The following FNTB variants were observed in gnomAD, a reference collection of about 807,000 sequenced individuals.
The protein encoded by FNTB is farnesyltransferase, CAAX box, subunit beta.
FNTB carries 27 observed loss-of-function variants against 59.4 expected under a neutral mutation model. That is an observed-to-expected ratio of 0.45 (90% CI 0.34 to 0.63). FNTB has a LOEUF of 0.63. Ranked by LOEUF, FNTB falls within the 20% of genes least tolerant of loss-of-function variation. FNTB has a pLI of 0.02. For synonymous variants in FNTB, 230 were observed against 220.7 expected, an observed-to-expected ratio of 1.04 and a Z score of -0.37; for missense variants, 449 against 559.6, an observed-to-expected ratio of 0.80 and a Z score of 1.99.
chr14:65,031,504 G>A lies in FNTB; in HGVS notation c.606-1106G>A, dbSNP rs1191619661. 6.6e-6 allele frequency among the ~76,000 whole-genome samples: 1 copy of A among 151,886 alleles called. No homozygotes were observed. Among genetic ancestry groups the A allele is most frequent in the African/African-American group, 2.4e-5 (1 of 41,388 alleles). ...AGCTAATTTTTGTGTTTTTAGTGGA[G>A]ACGGGGTTTCGCAATATTGGTCAGG... is the stretch of plus-strand genomic sequence containing the variant. On this transcript the variant is annotated intron_variant, in intron 6 of 11. Transcript: ENST00000246166. The surrounding 1 kb of genome is among the most constrained non-coding windows in gnomAD (Gnocchi z 4.6).
rs1200787534 is a variant in FNTB at position 65,040,829 on chromosome 14, G to A, written c.732G>A (p.Gly244=). The stretch of plus-strand genomic sequence containing the variant: ...AAGGTGGCATTGGCGGGGTACCAGG[G>A]ATGGAAGCCCATGGTGGCTATACCT... ...NWEGGIGGVP[G]MEAHGGYTFC... Residue 244 remains glycine (G), a synonymous_variant, in exon 8 of 12, where the codon GGG becomes GGA. Coordinates refer to ENST00000246166, the MANE Select transcript of FNTB (RefSeq NM_002028.4). The A allele has an allele frequency of 6.2e-7, 1 of 1,613,826 alleles. No individual in the cohort carries two copies. The highest frequency in any genetic ancestry group is 8.5e-7 in the Non-Finnish European group (1 of 1,179,968).
chr14:65,022,766 A>C (rs2061912593), intron 4 of FNTB, among the ~76,000 whole-genome samples: 1 of 152,072 alleles, frequency 6.6e-6, no homozygotes, highest in Non-Finnish European at 1.5e-5. Flanking sequence ...GTTCTGACTA[A>C]TACTGCATTT....
chr14:65,037,788 A>C (rs1412974292), intron 7 of FNTB, among the ~76,000 whole-genome samples: 1 of 142,170 alleles, frequency 7.0e-6, no homozygotes, highest in Non-Finnish European at 1.5e-5. Flanking sequence ...TTATTTATTT[A>C]TTTATTTATT....
chr14:65,057,936 G>A (rs540448534), intron 11 of FNTB, among the ~76,000 whole-genome samples: 3 of 152,270 alleles, frequency 2.0e-5, no homozygotes, highest in South Asian at 2.1e-4. Context: ...ACTCTTTTAA[G>A]CAAGTCTGAA....
intron 11 of FNTB, among the ~76,000 whole-genome samples, chr14:65,059,659 T>C (rs982923785): frequency 2.0e-5 from 3 of 152,086 alleles, no homozygotes; most frequent in African/African-American, 7.2e-5. Flanking sequence ...TATCCCACAG[T>C]GGGAGAATCC....
Position 65,015,663 on chromosome 14 carries a change from C to T in FNTB, c.321C>T (p.Ile107=), listed in dbSNP as rs748991269. The change falls in exon 4 of 12, where the codon ATC becomes ATT. Residue 107 remains isoleucine, a synonymous_variant. Coordinates refer to ENST00000246166, the MANE Select transcript of FNTB (RefSeq NM_002028.4). ...DASRPWLCYW[I]LHSLELLDEP... Reference sequence around the variant, plus strand: ...GCCGCCCATGGCTCTGCTATTGGATCCTGCACAGCTTGGAACTGCTAGATG... The same window carrying T: ...GCCGCCCATGGCTCTGCTATTGGATTCTGCACAGCTTGGAACTGCTAGATG... 6.2e-6 allele frequency: 10 copies of T among 1,614,012 alleles called. No homozygotes were observed. The South Asian group carries it at 9.9e-5, about 16-fold the overall frequency.
chr14:65,021,466 C>T (rs1221422332), intron 4 of FNTB, among the ~76,000 whole-genome samples: 3 of 152,154 alleles, frequency 2.0e-5, no homozygotes, highest in African/African-American at 7.2e-5. Context: ...TGTTTCCTTA[C>T]CTTTCAGTGA....
chr14:65,006,128 G>A lies in FNTB; in HGVS notation c.209+1815G>A, dbSNP rs2061583080. On this transcript the variant is annotated intron_variant, in intron 2 of 11. Coordinates refer to ENST00000246166, the MANE Select transcript of FNTB (RefSeq NM_002028.4). ...TCTGCTTACTGGAACATTATAAATA[G>A]GTCCAGCTTTGTTTGTTACCTTTGT... 6 of 1,600,980 alleles carry A rather than the reference G, an allele frequency of 3.7e-6. No individual in the cohort carries two copies. In the East Asian group the frequency reaches 1.3e-4, roughly 36 times the overall value.
At chr14:65,061,120 A>G in intron 11 of FNTB, 61 bp from the exon 12 acceptor site, 1 of 1,595,542 alleles carries the variant, frequency 6.3e-7, no homozygotes, top group Non-Finnish European at 8.6e-7. Flanking sequence ...GGAGCAAAGG[A>G]TGTGTTATGT....
In FNTB at chr14:65,054,167, C is replaced by T. The variant is rs1180000990; in HGVS notation, c.1068-408C>T. On this transcript the variant is annotated intron_variant, in intron 10 of 11. Transcript: ENST00000246166. This position sits in a 1 kb window ranked among gnomAD's most constrained non-coding sequence, Gnocchi z 4.4. ...TCACTCTGTCACCCAGGCTGGAGTGCAGTGTCACAATCATGACTCACTGCA... is the reference window on the plus strand; with the variant it reads ...TCACTCTGTCACCCAGGCTGGAGTGTAGTGTCACAATCATGACTCACTGCA... Among the ~76,000 whole-genome samples the T allele has an allele frequency of 6.6e-6, 1 of 152,050 alleles. No homozygotes were observed. The highest frequency in any genetic ancestry group is 1.5e-5 in the Non-Finnish European group (1 of 68,016).
chr14:64,995,137 C>G (rs1382144463), intron 1 of FNTB, among the ~76,000 whole-genome samples: 1 of 152,184 alleles, frequency 6.6e-6, no homozygotes, highest in Non-Finnish European at 1.5e-5. Flanking sequence ...TAGACAGGGT[C>G]AGGATCATCA....
chr14:65,055,160 G>A (rs188189629), intron 11 of FNTB, among the ~76,000 whole-genome samples: 1 of 152,112 alleles, frequency 6.6e-6, no homozygotes, highest in Admixed American at 6.5e-5. Flanking sequence ...CATATTCTTT[G>A]TAGTACTTTA....
intron 7 of FNTB, among the ~76,000 whole-genome samples, chr14:65,037,402 C>CTTTTTTTTTTTTT (rs765037575): frequency 2.8e-3 from 41 of 14,530 alleles, no homozygotes; most frequent in Non-Finnish European, 4.6e-3. Context: ...CACGCCGGGC[C>CTTTTTTTTTTTTT]CTTTTTTTTT....
At chr14:65,018,145 C>G (rs2139535593) in intron 4 of FNTB, among the ~76,000 whole-genome samples, 1 of 152,034 alleles carries the variant, frequency 6.6e-6, no homozygotes, top group Non-Finnish European at 1.5e-5. Flanking sequence ...AATTCAAGAC[C>G]AGTCTGGGCG....
chr14:65,050,031 C>T (rs963958839), intron 9 of FNTB, among the ~76,000 whole-genome samples: 1 of 151,994 alleles, frequency 6.6e-6, no homozygotes, highest in African/African-American at 2.4e-5. Flanking sequence ...GTTTTAAACT[C>T]ACATAACCAA....
At chr14:65,058,741 T>G (rs2062798567) in intron 11 of FNTB, among the ~76,000 whole-genome samples, 1 of 152,210 alleles carries the variant, frequency 6.6e-6, no homozygotes, top group Admixed American at 6.5e-5. Flanking sequence ...ATATGATATG[T>G]TTCATTAATA....
In FNTB at chr14:65,029,274, TCA is replaced by T. The variant is rs1259455597; in HGVS notation, c.605+1495_605+1496del. Reference sequence around the variant, plus strand: ...TCTAGTACCCCGATTCCATCATTTTTCACTTGGCATTTCTTTCATTGTCCTTT... The same window carrying T: ...TCTAGTACCCCGATTCCATCATTTTTCTTGGCATTTCTTTCATTGTCCTTT... On this transcript the variant is annotated intron_variant, in intron 6 of 11. Coordinates refer to ENST00000246166, the MANE Select transcript of FNTB (RefSeq NM_002028.4). This position sits in a 1 kb window ranked among gnomAD's most constrained non-coding sequence, Gnocchi z 4.7. Among the ~76,000 whole-genome samples, 40 of 152,380 alleles carry T rather than the reference TCA, an allele frequency of 2.6e-4. No homozygotes were observed. The highest frequency in any genetic ancestry group is 9.4e-4 in the African/African-American group (39 of 41,604).
At chr14:65,016,820 G>A (rs2061782192) in intron 4 of FNTB, among the ~76,000 whole-genome samples, 3 of 152,144 alleles carry the variant, frequency 2.0e-5, no homozygotes, top group Admixed American at 2.0e-4. Context: ...TTTGATCATC[G>A]GGATGCCACT....
rs1261737012 is a variant in FNTB at position 65,027,791 on chromosome 14, G to C, written c.605+10G>C. ...GTGAGGTGGATGTGAGGTGAGTGGG[G>C]TTTTGCACAGGCTGCCACATCAGTT... On this transcript the variant is annotated intron_variant, in intron 6 of 11. Coordinates refer to ENST00000246166, the MANE Select transcript of FNTB (RefSeq NM_002028.4). The surrounding 1 kb of genome is among the most constrained non-coding windows in gnomAD (Gnocchi z 5.7). 6 of 1,613,898 alleles carry C rather than the reference G, an allele frequency of 3.7e-6. No homozygotes were observed. Among genetic ancestry groups the C allele is most frequent in the Non-Finnish European group, 5.1e-6 (6 of 1,180,008 alleles).
Sources: allele counts gnomAD v4.1 joint callset (sites outside exome capture counted in the v4.1 genomes callset), GRCh38; gene constraint gnomAD v4.1.1; non-coding constraint Gnocchi (gnomAD v3.1); transcripts MANE v1.5; gene names NCBI Gene and HGNC (gene_info 2026-07-23, HGNC 2026-07-21).